Variants in RANGAP1 observed in about 807,000 individuals in gnomAD.
RANGAP1 encodes Ran GTPase activating protein 1.
A neutral mutation model predicts 63.5 loss-of-function variants in RANGAP1; 38 were observed. The observed-to-expected ratio is 0.60, with a 90% confidence interval of 0.46 to 0.78. The LOEUF (loss-of-function observed/expected upper bound fraction) is 0.78, where lower values mean the gene tolerates loss of function less well. RANGAP1 is among the 30% of genes least tolerant of loss of function. The probability of loss-of-function intolerance (pLI) is 0.00; values close to 1 mark genes in which losing one functional copy is unlikely to be tolerated. For missense variants in RANGAP1, 630 were observed against 740.3 expected, an observed-to-expected ratio of 0.85 and a Z score of 1.73; for synonymous variants, 329 against 310.5, an observed-to-expected ratio of 1.06 and a Z score of -0.63.
At chr22:41,298,182 T>C in the RANGAP1 span, among the ~76,000 whole-genome samples, 1 of 150,132 alleles carries the variant, frequency 6.7e-6, no homozygotes, top group East Asian at 2.0e-4. Flanking sequence ...TTTGTATTTT[T>C]AGTAGAGACA....
chr22:41,294,000 T>C, the RANGAP1 span, among the ~76,000 whole-genome samples: 1 of 151,036 alleles, frequency 6.6e-6, no homozygotes, highest in South Asian at 2.1e-4. Context: ...AAACAGCCCA[T>C]CCTGCAGTTA....
At position 41,257,565 on chromosome 22, in the gene RANGAP1, CA is replaced by C. The variant is rs2033915644; in HGVS notation, c.774+382del. On this transcript the variant is annotated intron_variant, in intron 7 of 15. Transcript: ENST00000356244. This position sits in a 1 kb window ranked among gnomAD's most constrained non-coding sequence, Gnocchi z 4.0. The stretch of plus-strand genomic sequence containing the variant: ...AGAAGTTCAAGACCAGCTTGGGCAA[CA>C]GTAAGATTCCGTCTCAAAAAGTGAT... Among the ~76,000 whole-genome samples, 1 of 152,222 alleles carries C rather than the reference CA, an allele frequency of 6.6e-6. No individual in the cohort carries two copies. Among genetic ancestry groups the C allele is most frequent in the Admixed American group, 6.5e-5 (1 of 15,282 alleles).
At chr22:41,272,967 C>G (rs536183305) in intron 3 of RANGAP1, among the ~76,000 whole-genome samples, 3 of 152,246 alleles carry the variant, frequency 2.0e-5, no homozygotes, top group Admixed American at 2.0e-4. Context: ...TGCACACCAC[C>G]ATGCCGGGCT....
Position 41,257,564 on chromosome 22 carries a change from AC to A in RANGAP1, c.774+383del, listed in dbSNP as rs2033915337. Among the ~76,000 whole-genome samples the A allele has an allele frequency of 6.6e-6, 1 of 152,256 alleles. No homozygotes were observed. Among genetic ancestry groups the A allele is most frequent in the African/African-American group, 2.4e-5 (1 of 41,470 alleles). ...CAGAAGTTCAAGACCAGCTTGGGCA[AC>A]AGTAAGATTCCGTCTCAAAAAGTGA... On this transcript the variant is annotated intron_variant, in intron 7 of 15. Transcript: ENST00000356244. The surrounding 1 kb of genome is among the most constrained non-coding windows in gnomAD (Gnocchi z 4.0).
intron 14 of RANGAP1, 66 bp downstream of exon 14, chr22:41,249,663 C>G (rs909798721): frequency 1.3e-6 from 2 of 1,562,818 alleles, no homozygotes; most frequent in Non-Finnish European, 1.8e-6. Flanking sequence ...GCGGGCATGG[C>G]TGGGGCAGCT....
chr22:41,260,884 T>G (rs1367805612), intron 6 of RANGAP1, among the ~76,000 whole-genome samples: 1 of 151,946 alleles, frequency 6.6e-6, no homozygotes, highest in Non-Finnish European at 1.5e-5. Flanking sequence ...ACCCCAAAGT[T>G]TTCAGTCCTG....
intron 3 of RANGAP1, among the ~76,000 whole-genome samples, chr22:41,270,771 C>T (rs546500257): frequency 2.0e-5 from 3 of 152,144 alleles, no homozygotes; most frequent in Non-Finnish European, 4.4e-5. Flanking sequence ...CATGAACACA[C>T]CTGGGGCCTC....
At chr22:41,299,130 C>T in the RANGAP1 span, among the ~76,000 whole-genome samples, 3 of 151,916 alleles carry the variant, frequency 2.0e-5, no homozygotes, top group African/African-American at 7.3e-5. Flanking sequence ...AGAGATTCAA[C>T]ATATGAATTT....
Position 41,273,766 on chromosome 22 carries a change from CAAAAA to C in RANGAP1, c.240+829_240+833del, listed in dbSNP as rs71200678. ...CGGGTGACAGTGTGAGACTCCATCT[CAAAAA>C]AAAAAAAAAAAAAAAAAAAAAAGGC... On this transcript the variant is annotated intron_variant, in intron 3 of 15. Transcript: ENST00000356244. Among the ~76,000 whole-genome samples, 31 of 24,352 alleles carry C rather than the reference CAAAAA, an allele frequency of 1.3e-3. 1 individual carries two copies. Among genetic ancestry groups the C allele is most frequent in the South Asian group, 0.013 (3 of 238 alleles). The allele number at this position is 24,352 out of a possible 152,430, so 16.0% of individuals were successfully genotyped here.
intron 6 of RANGAP1, among the ~76,000 whole-genome samples, chr22:41,258,690 C>T (rs967953941): frequency 2.0e-5 from 3 of 152,052 alleles, no homozygotes; most frequent in East Asian, 1.9e-4. Flanking sequence ...AGTCTCGTTC[C>T]GTCGCCCAGG....
chr22:41,266,833 A>G (rs1251567100), intron 4 of RANGAP1, among the ~76,000 whole-genome samples: 1 of 151,346 alleles, frequency 6.6e-6, no homozygotes, highest in Non-Finnish European at 1.5e-5. Flanking sequence ...GGCGTGAGCC[A>G]CTGCGCCTGG....
intron 2 of RANGAP1, among the ~76,000 whole-genome samples, chr22:41,279,383 T>A (rs1330020951): frequency 6.6e-6 from 1 of 151,246 alleles, no homozygotes; most frequent in Non-Finnish European, 1.5e-5. Flanking sequence ...GGCAGGAGAA[T>A]GGCGTGAACC....
the RANGAP1 span, among the ~76,000 whole-genome samples, chr22:41,293,938 T>A: frequency 6.6e-6 from 1 of 151,802 alleles, no homozygotes; most frequent in South Asian, 2.1e-4. Flanking sequence ...GCCGGGATTA[T>A]AGGCATGAGC....
rs1185089564 is a variant in RANGAP1 at position 41,254,455 on chromosome 22, C to T, written c.1113G>A (p.Glu371=). 1.2e-6 allele frequency: 2 copies of T among 1,609,392 alleles called. No individual in the cohort carries two copies. The highest frequency in any genetic ancestry group is 1.3e-5 in the African/African-American group (1 of 74,798). ...EDEEEEEEGE[E]EEEEAEEEEE... ...CCTCTTCTTCTGCTTCCTCTTCTTC[C>T]TCTTCTCCTTCCTCCTCCTCCTCCT... The change falls in exon 11 of 16, where the codon GAG becomes GAA. Residue 371 remains glutamate (E), a synonymous_variant. Coordinates refer to ENST00000356244, the MANE Select transcript of RANGAP1 (RefSeq NM_002883.4).
chr22:41,281,315 T>A (rs1452337485), intron 1 of RANGAP1: 1 of 777,436 alleles, frequency 1.3e-6, no homozygotes, highest in Admixed American at 4.4e-5. Flanking sequence ...GAAGCTACCA[T>A]CTCATTACAA....
chr22:41,268,535 A>G (rs5758274), intron 3 of RANGAP1, among the ~76,000 whole-genome samples: 59,374 of 151,630 alleles, frequency 0.39, 12,139 homozygotes, highest in Admixed American at 0.54. Context: ...GATTACAGGC[A>G]TGAGCCACCG....
At chr22:41,298,158 A>T in the RANGAP1 span, among the ~76,000 whole-genome samples, 1 of 151,772 alleles carries the variant, frequency 6.6e-6, no homozygotes, top group Non-Finnish European at 1.5e-5. Flanking sequence ...GTGCCTGGCC[A>T]CGCCCAGCTA....
At chr22:41,252,081 C>G (rs1846932468) in intron 12 of RANGAP1, among the ~76,000 whole-genome samples, 1 of 152,130 alleles carries the variant, frequency 6.6e-6, no homozygotes, top group Non-Finnish European at 1.5e-5. Flanking sequence ...GCCTGTAACC[C>G]TAGCACTTTG....
the RANGAP1 span, among the ~76,000 whole-genome samples, chr22:41,301,934 A>G: frequency 1.1e-3 from 170 of 151,938 alleles, 2 homozygotes; most frequent in East Asian, 5.7e-3. Context: ...GGCCACCTGG[A>G]AAGTGGGATT....
Sources: allele counts gnomAD v4.1 joint callset (sites outside exome capture counted in the v4.1 genomes callset), GRCh38; gene constraint gnomAD v4.1.1; non-coding constraint Gnocchi (gnomAD v3.1); transcripts MANE v1.5; gene names NCBI Gene and HGNC (gene_info 2026-07-23, HGNC 2026-07-21).